The following NBAS variants were observed in gnomAD, a reference collection of about 807,000 sequenced individuals.
NBAS encodes the protein NAG/BC035112 fusion.
A neutral mutation model predicts 302.5 loss-of-function variants in NBAS; 219 were observed. The ratio of observed to expected loss-of-function variants is 0.72; its 90% CI spans 0.65 to 0.81. The LOEUF is 0.81. Ranked by LOEUF, NBAS falls within the 30% of genes least tolerant of loss-of-function variation. The pLI, the probability that NBAS is intolerant of heterozygous loss-of-function variation, is 0.00. For synonymous variants in NBAS, 1,118 were observed against 1,021.6 expected (o/e 1.09, Z -1.80); for missense variants, 2,932 against 2,841.6 (o/e 1.03, Z -0.72).
At chr2:14,824,538 G>A in the NBAS span, among the ~76,000 whole-genome samples, 1 of 152,162 alleles carries the variant, frequency 6.6e-6, no homozygotes, top group African/African-American at 2.4e-5. Flanking sequence ...ATTCAGGTGT[G>A]GTACTTAGAC....
intron 10 of NBAS, among the ~76,000 whole-genome samples, chr2:15,507,724 T>C (rs1210714169): frequency 2.0e-5 from 3 of 152,238 alleles, no homozygotes; most frequent in Admixed American, 2.0e-4. Flanking sequence ...GACATAGCTG[T>C]TCTTCCCATA....
At chr2:14,963,982 C>T in the NBAS span, among the ~76,000 whole-genome samples, 4 of 152,202 alleles carry the variant, frequency 2.6e-5, no homozygotes, top group Admixed American at 2.6e-4. Context: ...CTAAATGCTA[C>T]CGTAGCCTAG....
chr2:15,195,169 T>C (rs1228424463), intron 48 of NBAS, among the ~76,000 whole-genome samples: 1 of 152,152 alleles, frequency 6.6e-6, no homozygotes, highest in Non-Finnish European at 1.5e-5. Flanking sequence ...CTTCCAAAAT[T>C]CATGTTGAAA....
At chr2:15,368,796 A>G (rs753021623) in intron 31 of NBAS, among the ~76,000 whole-genome samples, 4 of 152,194 alleles carry the variant, frequency 2.6e-5, no homozygotes, top group Non-Finnish European at 5.9e-5. Flanking sequence ...AAAGCTGTTA[A>G]GAGTCATCGT....
At chr2:15,392,547 T>C (rs1263133131) in intron 28 of NBAS, among the ~76,000 whole-genome samples, 7 of 151,844 alleles carry the variant, frequency 4.6e-5, no homozygotes, top group East Asian at 1.9e-4. Context: ...AAGAATAAAA[T>C]ACTTAAGAAT....
chr2:15,359,874 CAT>C (rs1345546692), intron 32 of NBAS, among the ~76,000 whole-genome samples: 3 of 152,106 alleles, frequency 2.0e-5, no homozygotes, highest in Non-Finnish European at 2.9e-5. Flanking sequence ...CATTCTATGA[CAT>C]GTGTCATTAG....
chr2:15,233,007 G>A (rs1175404382), intron 46 of NBAS, among the ~76,000 whole-genome samples: 4 of 152,012 alleles, frequency 2.6e-5, no homozygotes, highest in African/African-American at 9.7e-5. Context: ...GATGTTATGT[G>A]TAGAACTCTA....
intron 32 of NBAS, among the ~76,000 whole-genome samples, chr2:15,360,138 G>A (rs986405968): frequency 8.6e-5 from 13 of 152,024 alleles, no homozygotes; most frequent in African/African-American, 2.9e-4. Flanking sequence ...CATTTACCAT[G>A]GATGGAGTTT....
the NBAS span, chr2:14,890,459 G>T: frequency 6.6e-6 from 1 of 151,924 alleles, no homozygotes; most frequent in Non-Finnish European, 1.5e-5. Flanking sequence ...TACTGATAAG[G>T]GTATTATCTA....
chr2:15,482,908 A>G (rs917992838), intron 12 of NBAS, among the ~76,000 whole-genome samples: 2 of 152,156 alleles, frequency 1.3e-5, no homozygotes, highest in African/African-American at 4.8e-5. Context: ...TCAGTAAGGT[A>G]TCATGTCTCC....
At chr2:15,460,926 T>C (rs1679477624) in intron 21 of NBAS, among the ~76,000 whole-genome samples, 1 of 152,082 alleles carries the variant, frequency 6.6e-6, no homozygotes. Flanking sequence ...CTAAAAACTG[T>C]TCTAAACCAG....
At chr2:14,854,602 T>C in the NBAS span, among the ~76,000 whole-genome samples, 2 of 151,446 alleles carry the variant, frequency 1.3e-5, no homozygotes, top group Non-Finnish European at 2.9e-5. Flanking sequence ...AGCAACAGCA[T>C]GGTTCAGAGA....
At chr2:15,240,589 A>T (rs1374828733) in intron 44 of NBAS, among the ~76,000 whole-genome samples, 1 of 152,092 alleles carries the variant, frequency 6.6e-6, no homozygotes, top group African/African-American at 2.4e-5. Flanking sequence ...TGCACTCCAG[A>T]CTGGGAGACA....
Position 15,354,637 on chromosome 2 carries a change from T to C in NBAS, c.3932-927A>G, listed in dbSNP as rs941571533. Among the ~76,000 whole-genome samples, 57 of 152,372 alleles carry C rather than the reference T, an allele frequency of 3.7e-4. 1 individual carries two copies. Among genetic ancestry groups the C allele is most frequent in the East Asian group, 1.2e-3 (6 of 5,188 alleles). ...ATTTGCTAATGCTGAAGTTGTAATA[T>C]ATTGAATCATTTTTGAAGAGTTTTA... On this transcript the variant is annotated intron_variant, in intron 33 of 51. Coordinates refer to ENST00000281513, the MANE Select transcript of NBAS (RefSeq NM_015909.4).
In NBAS at chr2:15,449,397, T is replaced by C. The variant is rs146129284; in HGVS notation, c.2339+11804A>G. ...TGTAAACTTAAAAACAAATGTTCCATAGTCAGTCATGAGATGTTTGTTGAA... is the reference window on the plus strand; with the variant it reads ...TGTAAACTTAAAAACAAATGTTCCACAGTCAGTCATGAGATGTTTGTTGAA... On this transcript the variant is annotated intron_variant, in intron 21 of 51. Coordinates refer to ENST00000281513, the MANE Select transcript of NBAS (RefSeq NM_015909.4). Among the ~76,000 whole-genome samples, 694 of 152,286 alleles carry C rather than the reference T, an allele frequency of 4.6e-3. 5 individuals are homozygous for C. The highest frequency in any genetic ancestry group is 0.016 in the African/African-American group (674 of 41,578).
At chr2:15,470,854 G>A (rs918125263) in intron 16 of NBAS, among the ~76,000 whole-genome samples, 2 of 152,106 alleles carry the variant, frequency 1.3e-5, no homozygotes, top group Non-Finnish European at 2.9e-5. Flanking sequence ...CAAGCTACTT[G>A]GGAGGCTGAG....
At chr2:15,240,842 T>A (rs1335307869) in intron 44 of NBAS, among the ~76,000 whole-genome samples, 1 of 152,194 alleles carries the variant, frequency 6.6e-6, no homozygotes, top group African/African-American at 2.4e-5. Flanking sequence ...ATTATGTTAC[T>A]GTGTTTGCCC....
At chr2:15,109,178 C>T in the NBAS span, among the ~76,000 whole-genome samples, 11 of 152,162 alleles carry the variant, frequency 7.2e-5, no homozygotes, top group South Asian at 4.1e-4. Context: ...ATAGGGTCCC[C>T]GCTGTATATT....
At chr2:15,347,397 A>G (rs953466091) in intron 35 of NBAS, among the ~76,000 whole-genome samples, 1 of 152,218 alleles carries the variant, frequency 6.6e-6, no homozygotes, top group African/African-American at 2.4e-5. Context: ...GAAACAACCC[A>G]AATGTCCACC....
Sources: allele counts gnomAD v4.1 joint callset (sites outside exome capture counted in the v4.1 genomes callset), GRCh38; gene constraint gnomAD v4.1.1; transcripts MANE v1.5; gene names NCBI Gene and HGNC (gene_info 2026-07-23, HGNC 2026-07-21).